IFT88: variants seen among roughly 807,000 people sequenced by gnomAD.
The protein encoded by IFT88 is intraflagellar transport 88.
Under a neutral mutation model 119.5 loss-of-function variants are expected in IFT88, and 74 were observed. That is an observed-to-expected ratio of 0.62 (90% CI 0.51 to 0.75). The LOEUF (loss-of-function observed/expected upper bound fraction) is 0.75, where lower values mean the gene tolerates loss of function less well. IFT88 is among the 30% of genes least tolerant of loss of function. The probability of loss-of-function intolerance (pLI) is 0.00; values close to 1 mark genes in which losing one functional copy is unlikely to be tolerated. For synonymous variants in IFT88, 279 were observed against 316.7 expected (o/e 0.88, Z 1.26); for missense variants, 961 against 977.7 (o/e 0.98, Z 0.23).
At chr13:20,664,082 A>G (rs180832919) in intron 23 of IFT88, among the ~76,000 whole-genome samples, 23 of 152,336 alleles carry the variant, frequency 1.5e-4, no homozygotes, top group Non-Finnish European at 3.2e-4. Context: ...CTCAGGATAT[A>G]GAAGCTAATT....
rs763357696 is a variant in IFT88, at chr13:20,605,369, C to CA, written c.1112+266dup. 1.1e-3 allele frequency among the ~76,000 whole-genome samples: 161 copies of CA among 152,288 alleles called. 1 individual carries two copies. The highest frequency in any genetic ancestry group is 2.5e-3 in the Admixed American group (39 of 15,298). On this transcript the variant is annotated intron_variant, in intron 13 of 25. Transcript: ENST00000351808. ...AGTGCTCATGCTAATCTCAATTACT[C>CA]AATCTCAGTTATTCTGTCAGTTGTT... is the stretch of plus-strand genomic sequence containing the variant.
At chr13:20,663,723 T>C in intron 23 of IFT88, 119 bp downstream of exon 23, 1 of 694,672 alleles carries the variant, frequency 1.4e-6, no homozygotes, top group Non-Finnish European at 2.4e-6. Context: ...TTTTTTCTGC[T>C]CTGACATAAT....
intron 9 of IFT88, 48 bp downstream of exon 9, chr13:20,597,167 G>T: frequency 1.0e-6 from 1 of 999,628 alleles, no homozygotes; most frequent in Non-Finnish European, 1.5e-6. Context: ...TTTGACTAGG[G>T]TTAATGGGTT....
intron 16 of IFT88, chr13:20,631,340 C>T (rs750486853): frequency 1.6e-5 from 7 of 445,016 alleles, no homozygotes; most frequent in East Asian, 3.8e-5. Flanking sequence ...TGATAAGCAT[C>T]GCATCATAGA....
Position 20,631,077 on chromosome 13 carries a change from C to T in IFT88, c.1361C>T (p.Thr454Ile), listed in dbSNP as rs1250560512. 3 of 1,603,606 alleles carry T rather than the reference C, an allele frequency of 1.9e-6. No homozygotes were observed. Among genetic ancestry groups the T allele is most frequent in the Admixed American group, 1.7e-5 (1 of 59,994 alleles). ...AGTAGAGTGAAAAGTGCAGCTGCAA[C>T]CAATCTCTCAGCCCTGTATTATATG... ...KDSRVKSAAA[T>I]NLSALYYMGK... Residue 454 changes from threonine to isoleucine, a missense_variant, in exon 16 of 26, where the codon ACC becomes ATC. Coordinates refer to ENST00000351808, the MANE Select transcript of IFT88 (RefSeq NM_006531.5).
intron 16 of IFT88, 103 bp from the exon 17 acceptor site, chr13:20,638,229 C>A (rs77457091): frequency 6.7e-5 from 41 of 616,056 alleles, no homozygotes; most frequent in Non-Finnish European, 9.8e-5. Flanking sequence ...TTGTTCATTA[C>A]ATTTATAATC....
chr13:20,687,156 C>A (rs2141283742), intron 24 of IFT88, among the ~76,000 whole-genome samples: 1 of 152,000 alleles, frequency 6.6e-6, no homozygotes, highest in Non-Finnish European at 1.5e-5. Flanking sequence ...AGTCGGCCAC[C>A]AACTAGAAAT....
chr13:20,686,116 C>T (rs546125331), intron 24 of IFT88, among the ~76,000 whole-genome samples: 79 of 152,296 alleles, frequency 5.2e-4, no homozygotes, highest in African/African-American at 1.8e-3. Context: ...ATCGAGCTTC[C>T]TTGGCTGATC....
At chr13:20,677,035 A>C (rs758056911) in intron 24 of IFT88, among the ~76,000 whole-genome samples, 1 of 152,202 alleles carries the variant, frequency 6.6e-6, no homozygotes, top group Non-Finnish European at 1.5e-5. Flanking sequence ...TCTAGCCATA[A>C]TAAGTACTCA....
intron 24 of IFT88, among the ~76,000 whole-genome samples, chr13:20,674,088 C>G (rs2056307661): frequency 6.6e-6 from 1 of 152,208 alleles, no homozygotes; most frequent in Non-Finnish European, 1.5e-5. Context: ...TGGTTCCACG[C>G]TGACACTTTT....
rs759964062 is a variant in IFT88, at chr13:20,638,486, ATTC to A, written c.1547_1549del (p.Ser516del). ...TTCTATAAAGAGGCTCTAAGAAATGATTCTTCTTGTACTGAAGCACTTTATAAT... is the reference window on the plus strand; with the variant it reads ...TTCTATAAAGAGGCTCTAAGAAATGATTCTTGTACTGAAGCACTTTATAAT... On this transcript the variant is annotated inframe_deletion, in exon 17 of 26. Coordinates refer to ENST00000351808, the MANE Select transcript of IFT88 (RefSeq NM_006531.5). The A allele has an allele frequency of 1.7e-5, 26 of 1,514,326 alleles. No homozygotes were observed. The highest frequency in any genetic ancestry group is 2.2e-5 in the Non-Finnish European group (25 of 1,138,832). 93.8% of individuals were successfully genotyped at this position (1,514,326 alleles called of 1,614,324 possible).
At chr13:20,630,900 C>A in intron 15 of IFT88, 116 bp from the exon 16 acceptor site, 1 of 557,380 alleles carries the variant, frequency 1.8e-6, no homozygotes, top group South Asian at 3.3e-5. Flanking sequence ...TCTTAATCCA[C>A]CCCTTTTGTG....
chr13:20,585,434 A>T (rs1035601745), intron 3 of IFT88, among the ~76,000 whole-genome samples: 1 of 152,206 alleles, frequency 6.6e-6, no homozygotes, highest in East Asian at 1.9e-4. Context: ...CTCCCTGTGG[A>T]GCAAGACATG....
intron 14 of IFT88, among the ~76,000 whole-genome samples, chr13:20,625,538 T>A (rs1044921038): frequency 2.6e-5 from 4 of 152,168 alleles, no homozygotes; most frequent in African/African-American, 9.7e-5. Flanking sequence ...GATTAGACAT[T>A]AAAATAGGCT....
chr13:20,681,078 C>G (rs577705689), intron 24 of IFT88, among the ~76,000 whole-genome samples: 2 of 152,316 alleles, frequency 1.3e-5, no homozygotes, highest in African/African-American at 2.4e-5. Flanking sequence ...GGGAGAGATT[C>G]ATTCGTTCCA....
chr13:20,610,773 A>G lies in IFT88; in HGVS notation c.1113-5020A>G, dbSNP rs536885860. Among the ~76,000 whole-genome samples the G allele has an allele frequency of 1.1e-4, 16 of 152,312 alleles. No homozygotes were observed. In the South Asian group the frequency reaches 3.1e-3, roughly 30 times the overall value. On this transcript the variant is annotated intron_variant, in intron 13 of 25. Transcript: ENST00000351808. ...TGAAATATTAACAAAATTTAAAAAG[A>G]ATTATGCATCTGGACCAAATGGGAT...
At chr13:20,607,807 G>T in intron 13 of IFT88, 2 of 740,406 alleles carry the variant, frequency 2.7e-6, no homozygotes. Flanking sequence ...GAGCTATTCA[G>T]TTGTCAATGC....
intron 7 of IFT88, among the ~76,000 whole-genome samples, chr13:20,594,349 G>C (rs1028285860): frequency 6.6e-5 from 10 of 152,154 alleles, no homozygotes; most frequent in African/African-American, 2.2e-4. Context: ...CTTTCTAGCA[G>C]CCCTGTACCT....
intron 16 of IFT88, among the ~76,000 whole-genome samples, chr13:20,632,597 C>T (rs1408922519): frequency 6.6e-6 from 1 of 152,206 alleles, no homozygotes; most frequent in African/African-American, 2.4e-5. Flanking sequence ...TTATCCAACC[C>T]CTTGTTTAAA....
Sources: gnomAD v4.1 joint callset for allele counts (sites outside exome capture counted in the v4.1 genomes callset) on GRCh38, gnomAD v4.1.1 for gene constraint, MANE v1.5 for transcripts, NCBI Gene and HGNC (gene_info 2026-07-23, HGNC 2026-07-21) for gene names.